Variants in ATRNL1 observed in about 807,000 individuals in gnomAD.
The protein encoded by ATRNL1 is attractin-like protein 1.
A neutral mutation model predicts 182.7 loss-of-function variants in ATRNL1; 95 were observed. That is an observed-to-expected ratio of 0.52 (90% confidence interval 0.44 to 0.62). ATRNL1 has a LOEUF of 0.62. Among genes scored for constraint, ATRNL1 ranks in the 20% least tolerant of loss-of-function variants. The pLI is 0.00. For missense variants in ATRNL1, 1,471 were observed against 1,679.5 expected (o/e 0.88, Z 2.17); for synonymous variants, 576 against 568.3 (o/e 1.01, Z -0.19).
intron 24 of ATRNL1, among the ~76,000 whole-genome samples, chr10:115,502,582 C>T (rs1487434635): frequency 2.0e-5 from 3 of 151,828 alleles, no homozygotes; most frequent in African/African-American, 4.8e-5. Context: ...AATTTTAATC[C>T]TGACCATAGG....
chr10:115,388,758 T>C (rs1378747330), intron 19 of ATRNL1, among the ~76,000 whole-genome samples: 1 of 152,092 alleles, frequency 6.6e-6, no homozygotes, highest in African/African-American at 2.4e-5. Flanking sequence ...TTCATGGAGA[T>C]TTGTAATTTT....
chr10:115,374,775 A>G (rs1564971871), intron 19 of ATRNL1, among the ~76,000 whole-genome samples: 1 of 151,726 alleles, frequency 6.6e-6, no homozygotes, highest in Non-Finnish European at 1.5e-5. Flanking sequence ...ATCTTTGTGA[A>G]TTTTCAATTT....
At chr10:115,095,757 A>G (rs2084996030) in intron 1 of ATRNL1, among the ~76,000 whole-genome samples, 1 of 152,088 alleles carries the variant, frequency 6.6e-6, no homozygotes, top group Admixed American at 6.6e-5. Context: ...CAGCGTCTTT[A>G]CCTAGCAAGA....
At chr10:115,728,120 A>G (rs1331857357) in intron 27 of ATRNL1, among the ~76,000 whole-genome samples, 9 of 67,848 alleles carry the variant, frequency 1.3e-4, no homozygotes, top group South Asian at 7.7e-4. Flanking sequence ...CTAAAAAAAA[A>G]AAAAAAAGAA....
intron 27 of ATRNL1, among the ~76,000 whole-genome samples, chr10:115,766,766 T>C (rs527613984): frequency 5.9e-5 from 9 of 152,328 alleles, no homozygotes; most frequent in African/African-American, 2.2e-4. Flanking sequence ...TTATAAATCC[T>C]TTCTTATCTT....
At chr10:115,816,647 A>G in intron 27 of ATRNL1, among the ~76,000 whole-genome samples, 1 of 152,088 alleles carries the variant, frequency 6.6e-6, no homozygotes, top group African/African-American at 2.4e-5. Flanking sequence ...CACGTGAAGG[A>G]AGAAAACAGC....
intron 28 of ATRNL1, among the ~76,000 whole-genome samples, chr10:115,902,235 A>G (rs1312155765): frequency 2.6e-5 from 4 of 152,134 alleles, no homozygotes; most frequent in African/African-American, 4.8e-5. Context: ...CTGCAGACAC[A>G]CTTAGTAACA....
At chr10:115,229,297 A>G (rs971305061) in intron 9 of ATRNL1, among the ~76,000 whole-genome samples, 3 of 151,186 alleles carry the variant, frequency 2.0e-5, no homozygotes, top group Non-Finnish European at 4.4e-5. Flanking sequence ...TTATGAAATT[A>G]TTTTTTTTTG....
intron 9 of ATRNL1, among the ~76,000 whole-genome samples, chr10:115,227,376 G>T (rs573956578): frequency 6.6e-6 from 1 of 151,992 alleles, no homozygotes; most frequent in African/African-American, 2.4e-5. Context: ...AGTCAGAATG[G>T]CTATTTTTAA....
chr10:115,927,001 G>A (rs1031010926), intron 28 of ATRNL1, among the ~76,000 whole-genome samples: 4 of 151,980 alleles, frequency 2.6e-5, no homozygotes, highest in Non-Finnish European at 5.9e-5. Flanking sequence ...GATGAACATC[G>A]ATGCAAAAAT....
intron 24 of ATRNL1, among the ~76,000 whole-genome samples, chr10:115,511,775 A>G (rs543098166): frequency 6.6e-6 from 1 of 152,002 alleles, no homozygotes; most frequent in Non-Finnish European, 1.5e-5. Flanking sequence ...CAAGTTTTAG[A>G]TTTTGGACAT....
At chr10:115,277,715 C>T (rs1186884468) in intron 13 of ATRNL1, among the ~76,000 whole-genome samples, 2 of 151,950 alleles carry the variant, frequency 1.3e-5, no homozygotes, top group Admixed American at 1.3e-4. Flanking sequence ...TAGGTTTTAT[C>T]ATAGGTATTG....
chr10:115,545,848 A>T (rs1374263492), intron 25 of ATRNL1, among the ~76,000 whole-genome samples: 4 of 152,236 alleles, frequency 2.6e-5, no homozygotes, highest in Non-Finnish European at 4.4e-5. Flanking sequence ...TATAATTGAA[A>T]TGTAAATTGT....
chr10:115,153,647 T>G (rs1846356421), intron 5 of ATRNL1, among the ~76,000 whole-genome samples: 1 of 152,024 alleles, frequency 6.6e-6, no homozygotes, highest in Non-Finnish European at 1.5e-5. Flanking sequence ...TTTTGTTGAT[T>G]TTTTCAAAAA....
intron 10 of ATRNL1, among the ~76,000 whole-genome samples, chr10:115,245,122 A>G (rs1292499748): frequency 3.9e-5 from 6 of 152,188 alleles, no homozygotes; most frequent in African/African-American, 1.4e-4. Flanking sequence ...TGGGAAAGTA[A>G]TATTTTAATG....
chr10:115,412,809 AT>A (rs2134345246), intron 20 of ATRNL1, among the ~76,000 whole-genome samples: 1 of 152,340 alleles, frequency 6.6e-6, no homozygotes, highest in East Asian at 1.9e-4. Flanking sequence ...AACTATTTTA[AT>A]TGATCTGAGT....
chr10:115,578,931 C>G (rs1854243), intron 26 of ATRNL1, among the ~76,000 whole-genome samples: 73,586 of 151,236 alleles, frequency 0.49, 19,085 homozygotes, highest in East Asian at 0.84. Flanking sequence ...ATTTTCATTT[C>G]TCTCAAGATA....
intron 24 of ATRNL1, among the ~76,000 whole-genome samples, chr10:115,506,578 C>T (rs1399885924): frequency 2.0e-5 from 3 of 152,054 alleles, no homozygotes; most frequent in African/African-American, 4.8e-5. Context: ...TGAGCTCAAA[C>T]TCCATAAAGG....
intron 28 of ATRNL1, among the ~76,000 whole-genome samples, chr10:115,931,168 G>C (rs1245054900): frequency 6.6e-6 from 1 of 152,016 alleles, no homozygotes; most frequent in Non-Finnish European, 1.5e-5. Context: ...TAGGGAAAAT[G>C]ATAAATATAT....
Sources: allele counts gnomAD v4.1 joint callset (sites outside exome capture counted in the v4.1 genomes callset), GRCh38; gene constraint gnomAD v4.1.1; transcripts MANE v1.5; gene names NCBI Gene and HGNC (gene_info 2026-07-23, HGNC 2026-07-21).